The following ALG6 variants were observed in gnomAD, a reference collection of about 807,000 sequenced individuals.
ALG6 encodes the protein dolichyl pyrophosphate Man9GlcNAc2 alpha-1,3-glucosyltransferase.
A neutral mutation model predicts 66.6 loss-of-function variants in ALG6; 46 were observed. The ratio of observed to expected loss-of-function variants is 0.69; its 90% CI spans 0.55 to 0.88. ALG6 has a LOEUF of 0.88. ALG6 is among the 40% of genes least tolerant of loss of function. ALG6 has a pLI of 0.00. For synonymous variants in ALG6, 185 were observed against 203.7 expected (o/e 0.91, Z 0.78); for missense variants, 505 against 586.8 (o/e 0.86, Z 1.44).
intron 2 of ALG6, among the ~76,000 whole-genome samples, chr1:63,394,634 C>T (rs1461699718): frequency 6.6e-6 from 1 of 152,116 alleles, no homozygotes; most frequent in African/African-American, 2.4e-5. Flanking sequence ...TCCCAAAGTG[C>T]TGGGATTACA....
intron 2 of ALG6, among the ~76,000 whole-genome samples, chr1:63,378,564 A>G (rs1316173407): frequency 2.0e-5 from 3 of 152,186 alleles, no homozygotes; most frequent in Admixed American, 6.5e-5. Context: ...TAGGAATTCC[A>G]CAGATAGTAT....
intron 12 of ALG6, among the ~76,000 whole-genome samples, chr1:63,423,259 A>G (rs1325231927): frequency 1.3e-5 from 2 of 152,066 alleles, no homozygotes; most frequent in Non-Finnish European, 2.9e-5. Context: ...CCTGACCTCA[A>G]CTGATTCCCC....
At chr1:63,378,498 T>C (rs1233606706) in intron 2 of ALG6, among the ~76,000 whole-genome samples, 1 of 152,196 alleles carries the variant, frequency 6.6e-6, no homozygotes, top group Admixed American at 6.5e-5. Flanking sequence ...AGCTACTGTG[T>C]CTTCTTATTT....
At chr1:63,430,420 G>T (rs910086286) in intron 14 of ALG6, among the ~76,000 whole-genome samples, 1 of 152,170 alleles carries the variant, frequency 6.6e-6, no homozygotes, top group Admixed American at 6.5e-5. Flanking sequence ...GTATACCTGG[G>T]AGTAGAATTG....
intron 2 of ALG6, among the ~76,000 whole-genome samples, chr1:63,379,861 G>T (rs373235176): frequency 2.0e-5 from 3 of 151,276 alleles, no homozygotes; most frequent in South Asian, 2.1e-4. Context: ...TGGACCCTTT[G>T]TCTGGCATAT....
chr1:63,432,199 T>C (rs1644649222), intron 14 of ALG6, among the ~76,000 whole-genome samples: 1 of 152,144 alleles, frequency 6.6e-6, no homozygotes, highest in Non-Finnish European at 1.5e-5. Flanking sequence ...GTTTACATGT[T>C]TTTCTCATGA....
chr1:63,377,924 A>G (rs1184877251), intron 2 of ALG6, among the ~76,000 whole-genome samples: 1 of 152,112 alleles, frequency 6.6e-6, no homozygotes, highest in Non-Finnish European at 1.5e-5. Context: ...TATTTTTAGT[A>G]GACATAAGGT....
At position 63,415,758 on chromosome 1, in the gene ALG6, ATAAACT is replaced by A. The variant is rs1247441556; in HGVS notation, c.903-111_903-106del. On this transcript the variant is annotated intron_variant, in intron 10 of 14. Coordinates refer to ENST00000263440, the MANE Select transcript of ALG6 (RefSeq NM_013339.4). ...TTAATAAATAAAAATATAGTTTGAA[ATAAACT>A]TAAGTTGATAAATAATATGATCCTT... 1.9e-5 allele frequency: 12 copies of A among 631,838 alleles called. No homozygotes were observed. In the Admixed American group the frequency reaches 3.3e-4, roughly 17 times the overall value. The allele number at this position is 631,838 out of a possible 1,614,324, so 39.1% of individuals were successfully genotyped here.
At chr1:63,402,402 G>T in intron 4 of ALG6, 59 bp downstream of exon 4, 1 of 1,049,582 alleles carries the variant, frequency 9.5e-7, no homozygotes. Context: ...GATTTAGTAA[G>T]AAGCAGTGTG....
intron 14 of ALG6, among the ~76,000 whole-genome samples, chr1:63,432,054 A>G (rs1054494536): frequency 6.6e-6 from 1 of 152,154 alleles, no homozygotes; most frequent in Non-Finnish European, 1.5e-5. Flanking sequence ...TACAGGTAAC[A>G]AGAGTGGACA....
chr1:63,404,329 C>T (rs546884635), intron 4 of ALG6, 124 bp from the exon 5 acceptor site: 1 of 819,808 alleles, frequency 1.2e-6, no homozygotes, highest in East Asian at 2.5e-5. Flanking sequence ...TAAGCATTGA[C>T]TCTGTTGCTT....
At chr1:63,429,850 A>AGTGTGT (rs60383332) in intron 14 of ALG6, 12,606 of 144,222 alleles carry the variant, frequency 0.087, 607 homozygotes, top group South Asian at 0.12. Context: ...TCTTTCACTT[A>AGTGTGT]GTGTGTGTGT....
In ALG6 at chr1:63,438,274, T is replaced by A. The variant is rs1045716522; in HGVS notation, c.*1254T>A. ...TCTCAAAGCAAATGTGCATAAAGAC[T>A]CAAAGGGCAGGTCAACGCAGAATAG... On this transcript the variant is annotated 3_prime_UTR_variant, in exon 15 of 15. Coordinates refer to ENST00000263440, the MANE Select transcript of ALG6 (RefSeq NM_013339.4). 6.6e-6 allele frequency: 1 copy of A among 152,094 alleles called. No homozygotes were observed. Among genetic ancestry groups the A allele is most frequent in the Non-Finnish European group, 1.5e-5 (1 of 68,010 alleles). 9.4% of individuals were successfully genotyped at this position (152,094 alleles called of 1,614,324 possible).
Position 63,411,281 on chromosome 1 carries a change from T to C in ALG6, c.630T>C (p.Phe210=), listed in dbSNP as rs1231951186. 1.2e-6 allele frequency: 2 copies of C among 1,613,828 alleles called. No homozygotes were observed. Among genetic ancestry groups the C allele is most frequent in the African/African-American group, 1.3e-5 (1 of 74,900 alleles). Residue 210 remains phenylalanine, a synonymous_variant, in exon 8 of 15, where the codon TTT becomes TTC. Transcript: ENST00000263440. ...TGGAACTTTACCACGCCTTGCCATT[T>C]TTTTGCTTTTTACTTGGCAAGTGTT... is the stretch of plus-strand genomic sequence containing the variant. ...KQMELYHALP[F]FCFLLGKCFK...
rs758629732 is a variant in ALG6, at chr1:63,436,808, T to C, written c.1327-15T>C. ...CACCTTTTATACTACTCAGTAATCC[T>C]TTTTTTCCTTGCAGTTTCTTATCTC... On this transcript the variant is annotated splice_polypyrimidine_tract_variant and intron_variant, in intron 14 of 14. Coordinates refer to ENST00000263440, the MANE Select transcript of ALG6 (RefSeq NM_013339.4). 1.7e-5 allele frequency: 28 copies of C among 1,606,016 alleles called. No individual in the cohort carries two copies. The highest frequency in any genetic ancestry group is 2.2e-5 in the Non-Finnish European group (26 of 1,173,470).
intron 2 of ALG6, among the ~76,000 whole-genome samples, chr1:63,381,409 T>C (rs1383899851): frequency 6.6e-6 from 1 of 151,964 alleles, no homozygotes; most frequent in Non-Finnish European, 1.5e-5. Flanking sequence ...AGCTGAGATC[T>C]CACCACTGCA....
chr1:63,390,543 T>G (rs1205719410), intron 2 of ALG6, among the ~76,000 whole-genome samples: 1 of 152,142 alleles, frequency 6.6e-6, no homozygotes, highest in African/African-American at 2.4e-5. Flanking sequence ...CCCAGTCCAC[T>G]GCGTCTGAGT....
chr1:63,427,799 T>TC (rs1332557487), intron 12 of ALG6, among the ~76,000 whole-genome samples: 1 of 147,846 alleles, frequency 6.8e-6, no homozygotes, highest in East Asian at 2.0e-4. Flanking sequence ...TTTTTTTTTT[T>TC]TTTTTTTTTT....
chr1:63,412,130 A>G, intron 9 of ALG6, 69 bp downstream of exon 9: 1 of 1,602,740 alleles, frequency 6.2e-7, no homozygotes, highest in Admixed American at 1.7e-5. Context: ...GGTTTCATGT[A>G]GAAGGTACAA....
Sources: gnomAD v4.1 joint callset for allele counts (sites outside exome capture counted in the v4.1 genomes callset) on GRCh38, gnomAD v4.1.1 for gene constraint, MANE v1.5 for transcripts, NCBI Gene and HGNC (gene_info 2026-07-23, HGNC 2026-07-21) for gene names.